NSFL1C: variants seen among roughly 807,000 people sequenced by gnomAD.
NSFL1C encodes the protein NSFL1 cofactor p47.
In NSFL1C, 14 loss-of-function variants were observed where a neutral mutation model predicts 43.1. The ratio of observed to expected loss-of-function variants is 0.32; its 90% confidence interval spans 0.21 to 0.51. The LOEUF (loss-of-function observed/expected upper bound fraction) is 0.51. Among genes scored for constraint, NSFL1C ranks in the 20% least tolerant of loss-of-function variants. NSFL1C has a pLI of 0.98. For missense variants in NSFL1C, 406 were observed against 472.5 expected (o/e 0.86, Z 1.30); for synonymous variants, 171 against 183.5 (o/e 0.93, Z 0.55).
intron 7 of NSFL1C, 124 bp downstream of exon 7, chr20:1,452,369 A>G: frequency 7.7e-7 from 1 of 1,292,676 alleles, no homozygotes; most frequent in East Asian, 2.3e-5. Flanking sequence ...CTCCCATACA[A>G]ATAAAATTTG....
chr20:1,447,281 A>C (rs2090079548), intron 7 of NSFL1C, among the ~76,000 whole-genome samples: 1 of 152,208 alleles, frequency 6.6e-6, no homozygotes, highest in Non-Finnish European at 1.5e-5. Context: ...GGAAATAGTG[A>C]ATAGGTAAAT....
intron 2 of NSFL1C, among the ~76,000 whole-genome samples, chr20:1,462,725 A>G (rs2317513): frequency 0.55 from 83,790 of 151,550 alleles, 23,355 homozygotes; most frequent in East Asian, 0.79. Flanking sequence ...GGGTTTCACC[A>G]TGTTAGCCAG....
rs202054604 is a variant in NSFL1C at position 1,458,189 on chromosome 20, A to G, written c.278+11T>C. 1 of 1,611,252 alleles carries G rather than the reference A, an allele frequency of 6.2e-7. No homozygotes were observed. The highest frequency in any genetic ancestry group is 8.5e-7 in the Non-Finnish European group (1 of 1,177,446). On this transcript the variant is annotated intron_variant, in intron 3 of 8. Coordinates refer to ENST00000216879, the MANE Select transcript of NSFL1C (RefSeq NM_016143.5). ...GTGAACTGTCCCCCTGACCCCCTCTAGAAGACTCACCTCTGGCCTTCCTCT... is the reference window on the plus strand; with the variant it reads ...GTGAACTGTCCCCCTGACCCCCTCTGGAAGACTCACCTCTGGCCTTCCTCT...
chr20:1,456,988 A>G (rs2122909223), intron 3 of NSFL1C: 1 of 152,336 alleles, frequency 6.6e-6, no homozygotes, highest in South Asian at 2.1e-4. Context: ...CAGAACAAAG[A>G]CTGGATGGAA....
intron 2 of NSFL1C, among the ~76,000 whole-genome samples, chr20:1,462,774 C>T (rs571741541): frequency 3.9e-5 from 6 of 152,240 alleles, no homozygotes; most frequent in South Asian, 2.1e-4. Context: ...CCACCAGTCT[C>T]GGCCTCCCAA....
In NSFL1C at chr20:1,464,375, T is replaced by C; in HGVS notation, c.157A>G (p.Ile53Val). ...EDGGDEDIVT[I>V]SQATPSSVSR... ...ACTGAACTGGGGGTTGCCTGCGAAATGGTCACAATGTCTTCATCCCCTCCG... is the reference window on the plus strand; with the variant it reads ...ACTGAACTGGGGGTTGCCTGCGAAACGGTCACAATGTCTTCATCCCCTCCG... Residue 53 changes from isoleucine to valine, a missense_variant, in exon 2 of 9, where the codon ATT becomes GTT. Transcript: ENST00000216879. 1.2e-6 allele frequency: 2 copies of C among 1,614,276 alleles called. No individual in the cohort carries two copies.
chr20:1,452,018 C>T (rs954685089), intron 7 of NSFL1C, among the ~76,000 whole-genome samples: 3 of 152,200 alleles, frequency 2.0e-5, no homozygotes, highest in African/African-American at 7.2e-5. Context: ...TGAGGCCTGG[C>T]TAGGCAAGAG....
At chr20:1,457,401 G>A (rs1002841801) in intron 3 of NSFL1C, among the ~76,000 whole-genome samples, 2 of 152,098 alleles carry the variant, frequency 1.3e-5, no homozygotes, top group Non-Finnish European at 2.9e-5. Flanking sequence ...AAGCTAGTTA[G>A]CATATTCATC....
At position 1,447,846 on chromosome 20, in the gene NSFL1C, C is replaced by T. The variant is rs143995060; in HGVS notation, c.786-2016G>A. Among the ~76,000 whole-genome samples the T allele has an allele frequency of 7.0e-3, 1,058 of 152,224 alleles. 10 individuals carry two copies. Among genetic ancestry groups the T allele is most frequent in the African/African-American group, 0.024 (977 of 41,496 alleles). On this transcript the variant is annotated intron_variant, in intron 7 of 8. Transcript: ENST00000216879. ...TTGTCTAAAGGGGCTTTCACAGCCA[C>T]GACCTCGCTGAATCACCACAACCAT...
intron 5 of NSFL1C, among the ~76,000 whole-genome samples, chr20:1,453,952 G>A (rs187014611): frequency 1.8e-4 from 27 of 152,248 alleles, no homozygotes; most frequent in Admixed American, 1.6e-3. Flanking sequence ...CTCTGCCTGA[G>A]ATCCATGGGC....
chr20:1,458,484 G>T, intron 2 of NSFL1C, among the ~76,000 whole-genome samples: 1 of 152,274 alleles, frequency 6.6e-6, no homozygotes, highest in East Asian at 1.9e-4. Flanking sequence ...GTATAAATTA[G>T]AAAGTCCTAT....
Position 1,458,214 on chromosome 20 carries a change from TTCC to T in NSFL1C, c.261_263del (p.Glu90del), listed in dbSNP as rs1236092558. On this transcript the variant is annotated inframe_deletion, in exon 3 of 9. Transcript: ENST00000216879. Reference sequence around the variant, plus strand: ...AGAAGACTCACCTCTGGCCTTCCTCTTCCTCCTCATCTTCATCTTGGTCATGAA... The same window carrying T: ...AGAAGACTCACCTCTGGCCTTCCTCTTCCTCATCTTCATCTTGGTCATGAA... 17 of 1,613,638 alleles carry T rather than the reference TTCC, an allele frequency of 1.1e-5. No homozygotes were observed. The highest frequency in any genetic ancestry group is 1.6e-4 in the Middle Eastern group (1 of 6,084).
intron 7 of NSFL1C, among the ~76,000 whole-genome samples, chr20:1,451,617 T>A (rs1456025448): frequency 1.5e-4 from 23 of 152,284 alleles, no homozygotes; most frequent in Admixed American, 1.4e-3. Context: ...TAAATGCCTA[T>A]CATGTGCACA....
At position 1,466,755 on chromosome 20, in the gene NSFL1C, G is replaced by A. The variant is rs780964316; in HGVS notation, c.70C>T (p.Arg24Cys). Residue 24 changes from arginine (R) to cysteine (C), a missense_variant, in exon 1 of 9, where the codon CGC becomes TGC. Transcript: ENST00000216879. ...AVTGAEEDRA[R>C]FFLESAGWDL... ...CAGCCGGCCGACTCGAGAAAGAAGC[G>A]GGCCCGGTCCTCCTCGGCGCCCGTC... 6.8e-5 allele frequency: 107 copies of A among 1,564,468 alleles called. No homozygotes were observed. The highest frequency in any genetic ancestry group is 8.6e-5 in the Non-Finnish European group (99 of 1,157,710).
chr20:1,457,532 A>T (rs1419809940), intron 3 of NSFL1C, among the ~76,000 whole-genome samples: 1 of 152,218 alleles, frequency 6.6e-6, no homozygotes, highest in Non-Finnish European at 1.5e-5. Context: ...TCTAAAAAAG[A>T]AAAAGCCCCA....
intron 1 of NSFL1C, 152 bp downstream of exon 1, chr20:1,466,568 G>A: frequency 1.5e-6 from 1 of 661,442 alleles, no homozygotes; most frequent in South Asian, 2.1e-5. Flanking sequence ...AGCAGGCGAC[G>A]CGTGACAAGC....
chr20:1,457,660 GAT>G (rs1047770137), intron 3 of NSFL1C, among the ~76,000 whole-genome samples: 2 of 152,254 alleles, frequency 1.3e-5, no homozygotes, highest in East Asian at 1.9e-4. Flanking sequence ...AATTGTTCTA[GAT>G]TCCACACGAG....
intron 7 of NSFL1C, among the ~76,000 whole-genome samples, chr20:1,449,797 A>C (rs745865336): frequency 1.3e-4 from 20 of 152,188 alleles, no homozygotes; most frequent in Non-Finnish European, 1.8e-4. Context: ...CCACAGTTAC[A>C]AATCCTGAGA....
intron 3 of NSFL1C, chr20:1,457,121 T>C (rs1014708764): frequency 6.6e-6 from 1 of 152,164 alleles, no homozygotes; most frequent in African/African-American, 2.4e-5. Context: ...TAAAAACAAA[T>C]AGTTGATGGG....
Sources: allele counts gnomAD v4.1 joint callset (sites outside exome capture counted in the v4.1 genomes callset), GRCh38; gene constraint gnomAD v4.1.1; transcripts MANE v1.5; gene names NCBI Gene and HGNC (gene_info 2026-07-23, HGNC 2026-07-21).